Variants in PKHD1 observed in about 807,000 individuals in gnomAD.
PKHD1 encodes the protein PKHD1 ciliary IPT domain containing fibrocystin/polyductin.
Under a neutral mutation model 412.0 loss-of-function variants are expected in PKHD1, and 291 were observed. That is an observed-to-expected ratio of 0.71 (90% CI 0.64 to 0.78). PKHD1 has a LOEUF of 0.78. Ranked by LOEUF, PKHD1 falls within the 30% of genes least tolerant of loss-of-function variation. The probability of loss-of-function intolerance (pLI) is 0.00; values close to 1 mark genes in which losing one functional copy is unlikely to be tolerated. For missense variants in PKHD1, 4,825 were observed against 4,950.7 expected (o/e 0.97, Z 0.76); for synonymous variants, 1,777 against 1,821.5 (o/e 0.98, Z 0.62).
intron 20 of PKHD1, among the ~76,000 whole-genome samples, chr6:52,053,761 T>C: frequency 6.6e-6 from 1 of 152,192 alleles, no homozygotes; most frequent in East Asian, 1.9e-4. Flanking sequence ...CTTTCTGTCA[T>C]GTCAAAGAAT....
intron 60 of PKHD1, among the ~76,000 whole-genome samples, chr6:51,741,311 A>G: frequency 6.6e-6 from 1 of 152,102 alleles, no homozygotes; most frequent in Non-Finnish European, 1.5e-5. Flanking sequence ...ACCTTCATAC[A>G]CCAAAGGCTG....
At chr6:51,777,029 G>A (rs1791139730) in intron 53 of PKHD1, among the ~76,000 whole-genome samples, 1 of 152,088 alleles carries the variant, frequency 6.6e-6, no homozygotes, top group Non-Finnish European at 1.5e-5. Flanking sequence ...GAAGTAACTG[G>A]TGGGAAGGTA....
At chr6:51,860,295 C>A (rs999502305) in intron 48 of PKHD1, among the ~76,000 whole-genome samples, 25 of 152,122 alleles carry the variant, frequency 1.6e-4, no homozygotes, top group African/African-American at 5.8e-4. Context: ...CACCAGGGGC[C>A]AAAAATTCAG....
intron 52 of PKHD1, among the ~76,000 whole-genome samples, chr6:51,826,215 G>C (rs1032183690): frequency 6.6e-6 from 1 of 152,034 alleles, no homozygotes; most frequent in Non-Finnish European, 1.5e-5. Flanking sequence ...AACATCACAC[G>C]ACTTTGATAA....
chr6:51,849,471 C>G (rs1771798409), intron 49 of PKHD1, among the ~76,000 whole-genome samples: 1 of 152,188 alleles, frequency 6.6e-6, no homozygotes, highest in East Asian at 1.9e-4. Flanking sequence ...AATTGCCATA[C>G]TGTCTTCCAC....
At chr6:52,084,839 T>C (rs1582168556) in intron 2 of PKHD1, 43 bp downstream of exon 2, 3 of 1,182,214 alleles carry the variant, frequency 2.5e-6, no homozygotes, top group Non-Finnish European at 3.8e-6. Context: ...AGGTAACCTA[T>C]TGTGTTCTTA....
At chr6:52,055,488 G>T in intron 19 of PKHD1, 99 bp downstream of exon 19, 1 of 1,360,730 alleles carries the variant, frequency 7.3e-7, no homozygotes, top group African/African-American at 1.4e-5. Flanking sequence ...GCAGATCACA[G>T]CAATCACTCC....
chr6:51,746,669 A>G (rs1785228612), intron 59 of PKHD1, 52 bp downstream of exon 59: 1 of 1,130,250 alleles, frequency 8.8e-7, no homozygotes, highest in African/African-American at 1.5e-5. Flanking sequence ...GGGTTTGAAG[A>G]ATTGCCAAGT....
intron 46 of PKHD1, among the ~76,000 whole-genome samples, chr6:51,874,887 C>T (rs1418098354): frequency 2.1e-5 from 2 of 96,700 alleles, no homozygotes; most frequent in African/African-American, 4.2e-5. Flanking sequence ...AGACAGTGGG[C>T]GCAGGCCAGT....
At chr6:51,769,074 CTTTG>C (rs950391577) in intron 55 of PKHD1, among the ~76,000 whole-genome samples, 15 of 150,230 alleles carry the variant, frequency 1.0e-4, no homozygotes, top group African/African-American at 3.0e-4. Flanking sequence ...ACATAGCTTG[CTTTG>C]TTTGTTGCTT....
At position 52,024,998 on chromosome 6, in the gene PKHD1, C is replaced by T. The variant is rs780533224; in HGVS notation, c.4812G>A (p.Thr1604=). 14 of 1,614,188 alleles carry T rather than the reference C, an allele frequency of 8.7e-6. No homozygotes were observed. The highest frequency in any genetic ancestry group is 6.6e-5 in the South Asian group (6 of 91,088). ...EGTGLRGQNT[T]SVYIDQQTCL... is the part of the protein sequence containing the mutation. ...AGGTCTGCTGGTCAATATAGACTGA[C>T]GTGGTGTTCTGTCCTCTCAGGCCTG... Residue 1604 remains threonine (T), a synonymous_variant, in exon 32 of 67, where the codon ACG becomes ACA. Coordinates refer to ENST00000371117, the MANE Select transcript of PKHD1 (RefSeq NM_138694.4).
chr6:51,848,379 C>T (rs1016146240), intron 49 of PKHD1, among the ~76,000 whole-genome samples: 6 of 152,186 alleles, frequency 3.9e-5, no homozygotes, highest in African/African-American at 1.4e-4. Context: ...GGCATGTCAT[C>T]CATTTATCAC....
chr6:51,758,053 A>AGAGAGAGAGAGAGAGAGAGAGAG (rs1491172795), intron 55 of PKHD1, among the ~76,000 whole-genome samples: 9 of 148,378 alleles, frequency 6.1e-5, no homozygotes, highest in African/African-American at 1.7e-4. Flanking sequence ...AGAGAGAGAG[A>AGAGAGAGAGAGAGAGAGAGAGAG]AAACAAAGCA....
chr6:51,755,078 G>A lies in PKHD1; in HGVS notation c.8643-140C>T, dbSNP rs1404816890. 12 of 793,080 alleles carry A rather than the reference G, an allele frequency of 1.5e-5. No individual in the cohort carries two copies. The East Asian group carries it at 2.5e-4, about 17-fold the overall frequency. The allele number at this position is 793,080 out of a possible 1,614,324, so 49.1% of individuals were successfully genotyped here. Reference sequence around the variant, plus strand: ...TGAAATAGAAATAAGACATGGCAGTGGAAAAAGGCTTTCGCAAACAGTTTA... The same window carrying A: ...TGAAATAGAAATAAGACATGGCAGTAGAAAAAGGCTTTCGCAAACAGTTTA... On this transcript the variant is annotated intron_variant, in intron 55 of 66. Coordinates refer to ENST00000371117, the MANE Select transcript of PKHD1 (RefSeq NM_138694.4).
intron 60 of PKHD1, among the ~76,000 whole-genome samples, chr6:51,743,423 A>C (rs1257185307): frequency 2.0e-5 from 3 of 152,210 alleles, no homozygotes; most frequent in Non-Finnish European, 4.4e-5. Flanking sequence ...CAGGTTGTAG[A>C]TTGGGGAAGA....
chr6:52,027,532 CAAA>C (rs1229066296), intron 31 of PKHD1, among the ~76,000 whole-genome samples: 5 of 83,890 alleles, frequency 6.0e-5, no homozygotes, highest in Admixed American at 1.3e-4. Flanking sequence ...AACTCCGTCT[CAAA>C]AAAAAAAAAA....
At chr6:51,920,758 T>G (rs1285178605) in intron 37 of PKHD1, among the ~76,000 whole-genome samples, 1 of 152,180 alleles carries the variant, frequency 6.6e-6, no homozygotes, top group African/African-American at 2.4e-5. Flanking sequence ...GTCCTGGACT[T>G]TTTTTGGTTG....
At chr6:51,786,594 A>T (rs937250368) in intron 53 of PKHD1, among the ~76,000 whole-genome samples, 4 of 152,062 alleles carry the variant, frequency 2.6e-5, no homozygotes, top group African/African-American at 9.7e-5. Flanking sequence ...AGACATACCC[A>T]TCCCCTACAG....
At chr6:51,867,752 C>A in intron 48 of PKHD1, 111 bp downstream of exon 48, 1 of 1,017,738 alleles carries the variant, frequency 9.8e-7, no homozygotes, top group South Asian at 1.3e-5. Flanking sequence ...TTCTTTAGAG[C>A]TAAATACTTC....
Sources: allele counts gnomAD v4.1 joint callset (sites outside exome capture counted in the v4.1 genomes callset), GRCh38; gene constraint gnomAD v4.1.1; transcripts MANE v1.5; gene names NCBI Gene and HGNC (gene_info 2026-07-23, HGNC 2026-07-21).